AGO1: variants seen among roughly 807,000 people sequenced by gnomAD.
The protein encoded by AGO1 is argonaute RISC component 1.
AGO1 carries 11 observed loss-of-function variants against 109.2 expected under a neutral mutation model. The observed-to-expected ratio is 0.10, with a 90% CI of 0.06 to 0.17. The LOEUF (loss-of-function observed/expected upper bound fraction) is 0.17. Among genes scored for constraint, AGO1 ranks in the 10% least tolerant of loss-of-function variants. AGO1 has a pLI of 1.00. For missense variants in AGO1, 574 were observed against 1,140.3 expected, an observed-to-expected ratio of 0.50 and a Z score of 7.15; for synonymous variants, 422 against 418.6, an observed-to-expected ratio of 1.01 and a Z score of -0.10.
At position 35,912,111 on chromosome 1, in the gene AGO1, A is replaced by G. The variant is rs1645643540; in HGVS notation, c.1583-1731A>G. Reference sequence around the variant, plus strand: ...GGTGGCTCACGCGTGTAATCCCAGCACTTTGGGAGGCCGAGGCAGGCGGAT... The same window carrying G: ...GGTGGCTCACGCGTGTAATCCCAGCGCTTTGGGAGGCCGAGGCAGGCGGAT... On this transcript the variant is annotated intron_variant, in intron 12 of 18. Coordinates refer to ENST00000373204, the MANE Select transcript of AGO1 (RefSeq NM_012199.5). Among the ~76,000 whole-genome samples the G allele has an allele frequency of 2.6e-5, 4 of 152,128 alleles. No homozygotes were observed. In the South Asian group the frequency reaches 8.3e-4, roughly 32 times the overall value.
intron 1 of AGO1, among the ~76,000 whole-genome samples, chr1:35,886,152 T>G (rs955922421): frequency 6.6e-6 from 1 of 152,086 alleles, no homozygotes; most frequent in African/African-American, 2.4e-5. Context: ...CTCCTTGCTT[T>G]TGTCTGAAGA....
chr1:35,871,625 C>A lies in AGO1; in HGVS notation c.-201+1722C>A, dbSNP rs187365845. On this transcript the variant is annotated intron_variant, in intron 1 of 18. Coordinates refer to the AGO1 transcript ENST00000373206. ...GGGTGGCCCATGCTTGCAATCCCAG[C>A]ACTTTGGGAGGCCAAGGTGGGAGAA... Among the ~76,000 whole-genome samples, 4 of 152,144 alleles carry A rather than the reference C, an allele frequency of 2.6e-5. No homozygotes were observed. In the East Asian group the frequency reaches 5.8e-4, roughly 22 times the overall value.
chr1:35,891,214 T>TGA (rs1413778326), intron 2 of AGO1, among the ~76,000 whole-genome samples: 2 of 152,252 alleles, frequency 1.3e-5, no homozygotes, highest in African/African-American at 4.8e-5. Flanking sequence ...GTGCTTCTAA[T>TGA]GTACCATTTT....
chr1:35,903,599 T>C (rs577854147), intron 11 of AGO1, among the ~76,000 whole-genome samples: 1 of 152,192 alleles, frequency 6.6e-6, no homozygotes, highest in Middle Eastern at 3.4e-3. Context: ...TGCGTGCCTG[T>C]AGTCCTGGCT....
intron 1 of AGO1, among the ~76,000 whole-genome samples, chr1:35,887,114 C>T (rs1195598549): frequency 2.6e-5 from 4 of 152,174 alleles, no homozygotes; most frequent in African/African-American, 9.7e-5. Context: ...CAGGCTGGGC[C>T]TTCATTTCCC....
In AGO1 at chr1:35,920,879, CTT is replaced by C. The variant is rs1345756099; in HGVS notation, c.*1273_*1274del. On this transcript the variant is annotated 3_prime_UTR_variant, in exon 19 of 19. Coordinates refer to ENST00000373204, the MANE Select transcript of AGO1 (RefSeq NM_012199.5). ...ACAAAATGTTATTTTTATACCATAA[CTT>C]GAGTGTATTGCCAAAATTTGGAAAT... is the stretch of plus-strand genomic sequence containing the variant. 1 of 152,596 alleles carries C rather than the reference CTT, an allele frequency of 6.6e-6. No individual in the cohort carries two copies. Among genetic ancestry groups the C allele is most frequent in the Non-Finnish European group, 1.5e-5 (1 of 68,026 alleles). The allele number at this position is 152,596 out of a possible 1,614,324, so 9.5% of individuals were successfully genotyped here.
intron 11 of AGO1, among the ~76,000 whole-genome samples, chr1:35,905,848 G>C (rs771777265): frequency 6.6e-6 from 1 of 152,070 alleles, no homozygotes; most frequent in African/African-American, 2.4e-5. Flanking sequence ...ATATATAAAT[G>C]ATTTTAAATT....
At chr1:35,899,487 CGTT>C (rs1298295743) in intron 8 of AGO1, among the ~76,000 whole-genome samples, 1 of 152,162 alleles carries the variant, frequency 6.6e-6, no homozygotes, top group African/African-American at 2.4e-5. Flanking sequence ...TTCCCACTGG[CGTT>C]GTACAAGTAT....
Position 35,926,476 on chromosome 1 carries a change from C to T in AGO1, c.*6869C>T, listed in dbSNP as rs1020633272. ...GTTTGGTATCTCTTGGTGTAGCAGA[C>T]CCCAGAATCTCATGGCAATTAGGAT... On this transcript the variant is annotated 3_prime_UTR_variant, in exon 19 of 19. Transcript: ENST00000373204. 3.9e-5 allele frequency: 6 copies of T among 152,110 alleles called. No individual in the cohort carries two copies. Among genetic ancestry groups the T allele is most frequent in the African/African-American group, 1.4e-4 (6 of 41,418 alleles). 9.4% of individuals were successfully genotyped at this position (152,110 alleles called of 1,614,324 possible). A position where few individuals can be genotyped will look rare whatever the true frequency, so the allele number is the denominator to read the frequency against.
intron 3 of AGO1, 125 bp downstream of exon 3, chr1:35,892,802 A>C: frequency 8.7e-7 from 1 of 1,151,070 alleles, no homozygotes; most frequent in Non-Finnish European, 1.3e-6. Flanking sequence ...TTTTAGGGTG[A>C]GGGGTGGGTA....
chr1:35,903,978 C>A (rs1037149856), intron 11 of AGO1, among the ~76,000 whole-genome samples: 4 of 151,758 alleles, frequency 2.6e-5, no homozygotes, highest in African/African-American at 9.7e-5. Context: ...AAAAAAAGTT[C>A]TAACAGCTCC....
At chr1:35,896,649 C>T (rs1009596706) in intron 8 of AGO1, among the ~76,000 whole-genome samples, 9 of 152,146 alleles carry the variant, frequency 5.9e-5, no homozygotes, top group African/African-American at 1.4e-4. Flanking sequence ...TGAGCTGCCA[C>T]GCCTGGCCTA....
intron 12 of AGO1, among the ~76,000 whole-genome samples, chr1:35,909,684 T>C (rs1345413648): frequency 1.2e-4 from 19 of 152,224 alleles, no homozygotes; most frequent in Non-Finnish European, 2.5e-4. Context: ...GTTACTACCT[T>C]ACTTGATACT....
chr1:35,890,214 G>C (rs1156321805), intron 2 of AGO1, among the ~76,000 whole-genome samples: 1 of 151,716 alleles, frequency 6.6e-6, no homozygotes, highest in South Asian at 2.1e-4. Flanking sequence ...GTAGAGACAG[G>C]GTTTCACTAT....
chr1:35,915,012 G>A (rs943240125), intron 14 of AGO1, among the ~76,000 whole-genome samples: 4 of 152,130 alleles, frequency 2.6e-5, no homozygotes, highest in Non-Finnish European at 4.4e-5. Flanking sequence ...GTTTGATTTA[G>A]TAGTGCTAAA....
In AGO1 at chr1:35,883,556, C is replaced by T. The variant is rs1645066187; in HGVS notation, c.25+110C>T. 1.4e-6 allele frequency: 2 copies of T among 1,394,884 alleles called. No individual in the cohort carries two copies. Among genetic ancestry groups the T allele is most frequent in the Admixed American group, 3.7e-5 (1 of 26,960 alleles). The allele number at this position is 1,394,884 out of a possible 1,614,324, so 86.4% of individuals were successfully genotyped here. A position where few individuals can be genotyped will look rare whatever the true frequency, so the allele number is the denominator to read the frequency against. ...GCGCTCCTGAGTGAGGAGAAGGGCT[C>T]TCCCACGATGGGGGCCCAGTTTGAA... On this transcript the variant is annotated intron_variant, in intron 1 of 18. Transcript: ENST00000373204. The surrounding 1 kb of genome is among the most constrained non-coding windows in gnomAD (Gnocchi z 5.4).
At chr1:35,882,206 C>T (rs1645044307), upstream of AGO1, among the ~76,000 whole-genome samples, 1 of 152,146 alleles carries the variant, frequency 6.6e-6, no homozygotes, top group Non-Finnish European at 1.5e-5. The surrounding 1 kb of genome is among the most constrained non-coding windows in gnomAD (Gnocchi z 5.1). Flanking sequence ...CCAGGTGGAG[C>T]TGTCCAGCAA....
At chr1:35,899,118 A>T (rs1645371997) in intron 8 of AGO1, among the ~76,000 whole-genome samples, 1 of 152,222 alleles carries the variant, frequency 6.6e-6, no homozygotes, top group Non-Finnish European at 1.5e-5. Flanking sequence ...CACTGTAAGT[A>T]CCTCAAATAA....
Position 35,893,574 on chromosome 1 carries a change from C to T in AGO1, c.513-100C>T, listed in dbSNP as rs536996944. On this transcript the variant is annotated intron_variant, in intron 4 of 18. Coordinates refer to ENST00000373204, the MANE Select transcript of AGO1 (RefSeq NM_012199.5). This position sits in a 1 kb window ranked among gnomAD's most constrained non-coding sequence, Gnocchi z 5.6. ...AGCATCAGAGCTGGCATTAAAGCCC[C>T]GGTGTCCTGCCTTTCAGGCCAGGGC... is the stretch of plus-strand genomic sequence containing the variant. The T allele has an allele frequency of 8.2e-4, 1,055 of 1,282,222 alleles. 1 individual carries two copies. The highest frequency in any genetic ancestry group is 1.0e-3 in the Non-Finnish European group (955 of 945,706). The allele number at this position is 1,282,222 out of a possible 1,614,324, so 79.4% of individuals were successfully genotyped here.
Sources: gnomAD v4.1 joint callset for allele counts (sites outside exome capture counted in the v4.1 genomes callset) on GRCh38, gnomAD v4.1.1 for gene constraint, Gnocchi (gnomAD v3.1) non-coding constraint, MANE v1.5 for transcripts, NCBI Gene and HGNC (gene_info 2026-07-23, HGNC 2026-07-21) for gene names.